The following LYPD6 variants were observed in gnomAD, a reference collection of about 807,000 sequenced individuals.
LYPD6 encodes the protein ly6/PLAUR domain-containing protein 6.
In LYPD6, 15 loss-of-function variants were observed where a neutral mutation model predicts 22.7. The observed-to-expected ratio is 0.66, with a 90% CI of 0.44 to 1.02. The LOEUF (loss-of-function observed/expected upper bound fraction) is 1.02, where lower values mean the gene tolerates loss of function less well. Among genes scored for constraint, LYPD6 ranks in the 50% least tolerant of loss-of-function variants. The pLI, the probability that LYPD6 is intolerant of heterozygous loss-of-function variation, is 0.00. For synonymous variants in LYPD6, 72 were observed against 77.5 expected (o/e 0.93, Z 0.37); for missense variants, 189 against 208.4 (o/e 0.91, Z 0.57).
In LYPD6 at chr2:149,468,730, G is replaced by A; in HGVS notation, c.303G>A (p.Glu101=). 3.1e-6 allele frequency: 5 copies of A among 1,613,720 alleles called. No individual in the cohort carries two copies. Among genetic ancestry groups the A allele is most frequent in the Non-Finnish European group, 4.2e-6 (5 of 1,179,740 alleles). Residue 101 remains glutamate, a synonymous_variant, in exon 4 of 5, where the codon GAG becomes GAA. Coordinates refer to ENST00000334166, the MANE Select transcript of LYPD6 (RefSeq NM_194317.5). ...CCAAACGCTGTGTCCCACTGGAAGAGTGCTTATCCACTGGCTGCAGAGACT... is the reference window on the plus strand; with the variant it reads ...CCAAACGCTGTGTCCCACTGGAAGAATGCTTATCCACTGGCTGCAGAGACT... ...SVTKRCVPLE[E]CLSTGCRDSE...
chr2:149,475,203 A>C (rs1178342922), downstream of LYPD6, among the ~76,000 whole-genome samples: 1 of 152,200 alleles, frequency 6.6e-6, no homozygotes, highest in Non-Finnish European at 1.5e-5. Context: ...GAGCACTTAC[A>C]AATGTTTTAA....
At chr2:149,366,797 A>G (rs1417229880) in intron 1 of LYPD6, among the ~76,000 whole-genome samples, 1 of 152,212 alleles carries the variant, frequency 6.6e-6, no homozygotes, top group Non-Finnish European at 1.5e-5. Flanking sequence ...ATTTAGTAAG[A>G]TTTAAAAGTT....
At chr2:149,350,856 G>A (rs1681345353) in intron 1 of LYPD6, among the ~76,000 whole-genome samples, 1 of 152,116 alleles carries the variant, frequency 6.6e-6, no homozygotes, top group African/African-American at 2.4e-5. Context: ...GTGGACAGAT[G>A]CCCACACTAC....
chr2:149,414,087 A>G (rs1301305162), intron 1 of LYPD6, among the ~76,000 whole-genome samples: 1 of 152,190 alleles, frequency 6.6e-6, no homozygotes, highest in African/African-American at 2.4e-5. Context: ...TTACAAATTT[A>G]TGTAATTAGA....
At chr2:149,399,357 A>C (rs1188378541) in intron 1 of LYPD6, among the ~76,000 whole-genome samples, 1 of 152,350 alleles carries the variant, frequency 6.6e-6, no homozygotes, top group Admixed American at 6.5e-5. Context: ...ATAATTGTTC[A>C]TAGTACCACC....
chr2:149,334,359 A>G (rs1680994331), intron 1 of LYPD6, among the ~76,000 whole-genome samples: 1 of 152,210 alleles, frequency 6.6e-6, no homozygotes, highest in South Asian at 2.1e-4. Flanking sequence ...CCAAACATGT[A>G]CTGGGAGATA....
intron 1 of LYPD6, among the ~76,000 whole-genome samples, chr2:149,412,021 T>G (rs1415107445): frequency 6.6e-6 from 1 of 152,240 alleles, no homozygotes; most frequent in African/African-American, 2.4e-5. Context: ...TTTATAAACC[T>G]ACCTCCTATT....
intron 1 of LYPD6, among the ~76,000 whole-genome samples, chr2:149,353,050 A>T (rs1220242977): frequency 6.6e-6 from 1 of 152,190 alleles, no homozygotes; most frequent in African/African-American, 2.4e-5. Flanking sequence ...CCATGCATTC[A>T]TTCATGCATT....
intron 1 of LYPD6, among the ~76,000 whole-genome samples, chr2:149,418,090 G>C (rs988453983): frequency 6.6e-6 from 1 of 152,110 alleles, no homozygotes. Flanking sequence ...CAGACAATTC[G>C]GATGTTTTCT....
At chr2:149,336,968 T>C (rs1177214376) in intron 1 of LYPD6, among the ~76,000 whole-genome samples, 1 of 151,582 alleles carries the variant, frequency 6.6e-6, no homozygotes, top group Non-Finnish European at 1.5e-5. Flanking sequence ...TGTTTGGTGT[T>C]AGGAAAAAAT....
chr2:149,331,957 A>G (rs1680947229), intron 1 of LYPD6, among the ~76,000 whole-genome samples: 1 of 151,972 alleles, frequency 6.6e-6, no homozygotes, highest in South Asian at 2.1e-4. Context: ...AGTGAGAGGA[A>G]CTCGAGCTAG....
chr2:149,378,774 G>A (rs985647670), intron 1 of LYPD6, among the ~76,000 whole-genome samples: 3 of 152,118 alleles, frequency 2.0e-5, no homozygotes, highest in African/African-American at 7.2e-5. Flanking sequence ...GAAACCCACA[G>A]GGTCAGTATC....
At chr2:149,330,314 G>GGCGCCCGGGTGCCCC (rs1357874489), upstream of LYPD6, 1 of 151,822 alleles carries the variant, frequency 6.6e-6, no homozygotes, top group Non-Finnish European at 1.5e-5. Flanking sequence ...GCGGGAGCGC[G>GGCGCCCGGGTGCCCC]GCGCCCGGGT....
At chr2:149,437,099 G>C (rs953603633) in intron 1 of LYPD6, among the ~76,000 whole-genome samples, 1 of 152,162 alleles carries the variant, frequency 6.6e-6, no homozygotes, top group African/African-American at 2.4e-5. Context: ...GTAGTACCTG[G>C]CCAACAAATA....
At chr2:149,404,331 C>T (rs1474859218) in intron 1 of LYPD6, among the ~76,000 whole-genome samples, 1 of 152,156 alleles carries the variant, frequency 6.6e-6, no homozygotes, top group Non-Finnish European at 1.5e-5. Flanking sequence ...GGCAGTATGG[C>T]CATTTTCACG....
chr2:149,406,625 T>C (rs1373744540), intron 1 of LYPD6, among the ~76,000 whole-genome samples: 2 of 152,246 alleles, frequency 1.3e-5, no homozygotes, highest in South Asian at 2.1e-4. Flanking sequence ...CCTATGTGTG[T>C]CTCTGCACGT....
chr2:149,348,061 C>CAAAAAAAACAA (rs1681291108), intron 1 of LYPD6, among the ~76,000 whole-genome samples: 1 of 76,718 alleles, frequency 1.3e-5, no homozygotes, highest in Non-Finnish European at 2.6e-5. Context: ...ACTAAAAATA[C>CAAAAAAAACAA]AAAAAAAAAA....
At chr2:149,379,911 C>T (rs761321179) in intron 1 of LYPD6, among the ~76,000 whole-genome samples, 1 of 151,864 alleles carries the variant, frequency 6.6e-6, no homozygotes, top group Non-Finnish European at 1.5e-5. Flanking sequence ...AATCAGTAAA[C>T]AACAGTAGAT....
chr2:149,335,502 G>C (rs895549993), intron 1 of LYPD6, among the ~76,000 whole-genome samples: 1 of 152,034 alleles, frequency 6.6e-6, no homozygotes, highest in Non-Finnish European at 1.5e-5. Flanking sequence ...ATAAAAGTTT[G>C]TAAAATAAAA....
Sources: allele counts gnomAD v4.1 joint callset (sites outside exome capture counted in the v4.1 genomes callset), GRCh38; gene constraint gnomAD v4.1.1; transcripts MANE v1.5; gene names NCBI Gene and HGNC (gene_info 2026-07-23, HGNC 2026-07-21).